ASIC2: variants seen among roughly 807,000 people sequenced by gnomAD.
The protein encoded by ASIC2 is acid-sensing ion channel 2.
Under a neutral mutation model 57.3 loss-of-function variants are expected in ASIC2, and 25 were observed. The observed-to-expected ratio is 0.44, with a 90% CI of 0.32 to 0.61. The LOEUF (loss-of-function observed/expected upper bound fraction) is 0.61, where lower values mean the gene tolerates loss of function less well. Among genes scored for constraint, ASIC2 ranks in the 20% least tolerant of loss-of-function variants. The pLI is 0.06. For missense variants in ASIC2, 641 were observed against 738.1 expected, an observed-to-expected ratio of 0.87 and a Z score of 1.52; for synonymous variants, 319 against 307.5, an observed-to-expected ratio of 1.04 and a Z score of -0.39.
chr17:33,321,326 T>G (rs552010669), intron 1 of ASIC2, among the ~76,000 whole-genome samples: 1 of 152,306 alleles, frequency 6.6e-6, no homozygotes, highest in Non-Finnish European at 1.5e-5. Context: ...TCTTAGCATG[T>G]TAAAGATAGA....
chr17:33,962,291 G>C (rs535022246), intron 1 of ASIC2, among the ~76,000 whole-genome samples: 5 of 152,190 alleles, frequency 3.3e-5, no homozygotes, highest in Admixed American at 6.5e-5. Context: ...GGCCAGCTGA[G>C]GCAGGGGTGT....
intron 1 of ASIC2, among the ~76,000 whole-genome samples, chr17:34,042,900 A>G (rs1908191170): frequency 6.6e-6 from 1 of 152,358 alleles, no homozygotes; most frequent in Non-Finnish European, 1.5e-5. Context: ...ATGTTCTTCA[A>G]CAGTAAAATA....
chr17:33,025,881 C>T (rs772595580), intron 5 of ASIC2, 45 bp downstream of exon 5: 4 of 1,539,460 alleles, frequency 2.6e-6, no homozygotes, highest in East Asian at 4.8e-5. Flanking sequence ...ATCTCAGTCT[C>T]AGGCCCCCGG....
intron 1 of ASIC2, among the ~76,000 whole-genome samples, chr17:34,015,933 G>A (rs1386169315): frequency 6.6e-6 from 1 of 152,120 alleles, no homozygotes; most frequent in Non-Finnish European, 1.5e-5. Flanking sequence ...GGCTCATATG[G>A]GATAATACAT....
intron 1 of ASIC2, among the ~76,000 whole-genome samples, chr17:34,042,252 TC>T (rs1245100425): frequency 6.6e-6 from 1 of 151,994 alleles, no homozygotes; most frequent in African/African-American, 2.4e-5. Flanking sequence ...GAAGCATATG[TC>T]CCCCCAAAAC....
At chr17:34,068,640 T>C (rs1381873280) in intron 1 of ASIC2, among the ~76,000 whole-genome samples, 1 of 152,244 alleles carries the variant, frequency 6.6e-6, no homozygotes, top group Non-Finnish European at 1.5e-5. Context: ...CACTCAGCAC[T>C]GAGGCCTCTG....
At chr17:33,689,880 A>G (rs1160726936) in intron 1 of ASIC2, among the ~76,000 whole-genome samples, 1 of 152,216 alleles carries the variant, frequency 6.6e-6, no homozygotes, top group Non-Finnish European at 1.5e-5. Flanking sequence ...TGTGCTGACA[A>G]CCACCAGAAG....
At chr17:34,005,192 C>T (rs1374574178) in intron 1 of ASIC2, 4 of 141,232 alleles carry the variant, frequency 2.8e-5, no homozygotes, top group Non-Finnish European at 5.9e-5. Flanking sequence ...AGGCCCTCAT[C>T]AACTCTCCCT....
intron 1 of ASIC2, among the ~76,000 whole-genome samples, chr17:33,747,381 G>A (rs569886709): frequency 5.3e-5 from 8 of 151,922 alleles, no homozygotes; most frequent in African/African-American, 1.9e-4. Context: ...GCACCACCAC[G>A]CCCAGCTAAT....
chr17:33,815,851 G>T (rs1399129823), intron 1 of ASIC2, among the ~76,000 whole-genome samples: 1 of 152,186 alleles, frequency 6.6e-6, no homozygotes, highest in Non-Finnish European at 1.5e-5. Context: ...AGAAAGGGAA[G>T]TGATACCGGT....
chr17:33,399,384 G>C (rs1484213102), intron 1 of ASIC2, among the ~76,000 whole-genome samples: 1 of 152,158 alleles, frequency 6.6e-6, no homozygotes, highest in Non-Finnish European at 1.5e-5. Context: ...TGGGGTGAGG[G>C]ACGATCAGGA....
intron 1 of ASIC2, among the ~76,000 whole-genome samples, chr17:33,773,420 T>C (rs1403267316): frequency 2.0e-5 from 3 of 152,166 alleles, no homozygotes; most frequent in African/African-American, 7.2e-5. Context: ...GTTCTAGCTT[T>C]TGGCCAAGTT....
At chr17:33,381,555 C>T (rs981541401) in intron 1 of ASIC2, among the ~76,000 whole-genome samples, 13 of 151,432 alleles carry the variant, frequency 8.6e-5, no homozygotes, top group Non-Finnish European at 1.5e-4. Flanking sequence ...AACTCTGCTG[C>T]CAGCAGTATG....
chr17:33,302,033 G>C (rs2142195261), intron 1 of ASIC2, among the ~76,000 whole-genome samples: 1 of 152,336 alleles, frequency 6.6e-6, no homozygotes, highest in East Asian at 1.9e-4. Context: ...AAGGTGTCTT[G>C]TTGACTGGTG....
chr17:34,027,827 C>T (rs898407480), intron 1 of ASIC2, among the ~76,000 whole-genome samples: 43 of 152,204 alleles, frequency 2.8e-4, no homozygotes, highest in African/African-American at 8.7e-4. Flanking sequence ...GGACCTAGAA[C>T]GGTGCTTTAT....
intron 1 of ASIC2, among the ~76,000 whole-genome samples, chr17:34,121,287 C>T (rs1404891032): frequency 1.3e-5 from 2 of 152,164 alleles, no homozygotes; most frequent in Non-Finnish European, 1.5e-5. Context: ...TTTTAAGCCA[C>T]CCAGTTTGTG....
At chr17:33,920,524 A>C (rs1039911040) in intron 1 of ASIC2, among the ~76,000 whole-genome samples, 2 of 152,182 alleles carry the variant, frequency 1.3e-5, no homozygotes, top group Non-Finnish European at 2.9e-5. Context: ...ATGGATACAA[A>C]GGTGGGAACA....
chr17:33,753,119 C>T (rs1910484378), intron 1 of ASIC2, among the ~76,000 whole-genome samples: 1 of 152,118 alleles, frequency 6.6e-6, no homozygotes. Context: ...GAATATTATT[C>T]AGTGATATAA....
intron 1 of ASIC2, among the ~76,000 whole-genome samples, chr17:33,262,320 A>AGGGAGAAAGGGAGGGAGG: frequency 7.1e-6 from 1 of 140,670 alleles, no homozygotes; most frequent in African/African-American, 2.6e-5. Flanking sequence ...GAATGGGGAG[A>AGGGAGAAAGGGAGGGAGG]GGGAGAAAGG....
Sources: gnomAD v4.1 joint callset for allele counts (sites outside exome capture counted in the v4.1 genomes callset) on GRCh38, gnomAD v4.1.1 for gene constraint, MANE v1.5 for transcripts, NCBI Gene and HGNC (gene_info 2026-07-23, HGNC 2026-07-21) for gene names.